Variants in CCDC91 observed in about 807,000 individuals in gnomAD.
CCDC91 encodes the protein coiled-coil domain containing 91, also known as coiled-coil domain-containing protein 91.
In CCDC91, 48 loss-of-function variants were observed where a neutral mutation model predicts 63.2. The observed-to-expected ratio is 0.76, with a 90% CI of 0.60 to 0.97. The LOEUF (loss-of-function observed/expected upper bound fraction) is 0.97. Among genes scored for constraint, CCDC91 ranks in the 50% least tolerant of loss-of-function variants. The pLI is 0.00. For synonymous variants in CCDC91, 167 were observed against 165.8 expected, an observed-to-expected ratio of 1.01 and a Z score of -0.06; for missense variants, 500 against 494.6, an observed-to-expected ratio of 1.01 and a Z score of -0.10.
intron 8 of CCDC91, chr12:28,412,715 C>T: frequency 2.2e-6 from 1 of 453,218 alleles, no homozygotes; most frequent in Non-Finnish European, 4.4e-6. Flanking sequence ...CTTTTATCCC[C>T]TTATTGTCCC....
intron 1 of CCDC91, among the ~76,000 whole-genome samples, chr12:28,194,822 T>C (rs947103614): frequency 6.6e-6 from 1 of 150,630 alleles, no homozygotes; most frequent in Non-Finnish European, 1.5e-5. Flanking sequence ...TTGCAGCTCA[T>C]TGTTATAGCT....
intron 7 of CCDC91, among the ~76,000 whole-genome samples, chr12:28,379,819 G>T (rs1480302116): frequency 1.3e-5 from 2 of 152,074 alleles, no homozygotes; most frequent in African/African-American, 4.8e-5. Flanking sequence ...TACCCAAAGG[G>T]TTATAAATCA....
chr12:28,465,193 G>A (rs1950494238), intron 11 of CCDC91, among the ~76,000 whole-genome samples: 1 of 152,170 alleles, frequency 6.6e-6, no homozygotes, highest in Admixed American at 6.5e-5. Context: ...CAGCCATAGT[G>A]TAATGGAACA....
chr12:28,376,889 G>A (rs745916310), intron 7 of CCDC91, among the ~76,000 whole-genome samples: 1 of 151,756 alleles, frequency 6.6e-6, no homozygotes, highest in Non-Finnish European at 1.5e-5. Flanking sequence ...CAATCAGTGT[G>A]TTAAAATTCA....
At chr12:28,428,936 T>G (rs1948483289) in intron 8 of CCDC91, among the ~76,000 whole-genome samples, 1 of 152,160 alleles carries the variant, frequency 6.6e-6, no homozygotes, top group South Asian at 2.1e-4. Context: ...TATAAATTTT[T>G]TTTTATTGAC....
chr12:28,237,895 A>G (rs952865676), intron 1 of CCDC91, among the ~76,000 whole-genome samples: 2 of 152,064 alleles, frequency 1.3e-5, no homozygotes, highest in African/African-American at 4.8e-5. Flanking sequence ...GGACTTCTCT[A>G]CTCTTTTTAC....
rs758790478 is a variant in CCDC91, at chr12:28,289,715, G to A, written c.110-15934G>A. Among the ~76,000 whole-genome samples the A allele has an allele frequency of 7.9e-5, 9 of 114,468 alleles. No individual in the cohort carries two copies. The South Asian group carries it at 1.9e-3, about 24-fold the overall frequency. 75.1% of individuals were successfully genotyped at this position (114,468 alleles called of 152,430 possible). A position where few individuals can be genotyped will look rare whatever the true frequency, so the allele number is the denominator to read the frequency against. On this transcript the variant is annotated intron_variant, in intron 3 of 12. Transcript: ENST00000536442. ...TTTTTTTTTTTTTTTTTTTGACGAC[G>A]GAGTCTCACTCTGTTGCCCAGGCTG...
intron 7 of CCDC91, among the ~76,000 whole-genome samples, chr12:28,368,688 A>G (rs1339137650): frequency 1.3e-5 from 2 of 152,178 alleles, no homozygotes; most frequent in Non-Finnish European, 2.9e-5. Flanking sequence ...TTGTTTTCAT[A>G]CTGTTATAAA....
At chr12:28,198,460 A>G (rs1941950443) in intron 1 of CCDC91, among the ~76,000 whole-genome samples, 1 of 152,228 alleles carries the variant, frequency 6.6e-6, no homozygotes. Flanking sequence ...ACAACTTAAA[A>G]TTAGGTTAGA....
chr12:28,245,423 A>G (rs1330441982), intron 1 of CCDC91, among the ~76,000 whole-genome samples: 4 of 152,194 alleles, frequency 2.6e-5, no homozygotes, highest in African/African-American at 4.8e-5. Context: ...GTAGTAAATA[A>G]AGGTATATAC....
chr12:28,509,743 T>C (rs1339791277), intron 12 of CCDC91, among the ~76,000 whole-genome samples: 1 of 151,932 alleles, frequency 6.6e-6, no homozygotes, highest in African/African-American at 2.4e-5. Context: ...TCTTCAGCGC[T>C]GATGATTATG....
chr12:28,236,030 C>T (rs1944923547), intron 1 of CCDC91, among the ~76,000 whole-genome samples: 1 of 151,924 alleles, frequency 6.6e-6, no homozygotes, highest in African/African-American at 2.4e-5. Context: ...TTCAGTAGAC[C>T]TTGCTATGCT....
At chr12:28,239,335 A>G (rs1945179025) in intron 1 of CCDC91, among the ~76,000 whole-genome samples, 1 of 152,060 alleles carries the variant, frequency 6.6e-6, no homozygotes, top group South Asian at 2.1e-4. Flanking sequence ...GTAGGGAAAC[A>G]TGACTACTAA....
intron 1 of CCDC91, among the ~76,000 whole-genome samples, chr12:28,196,254 C>A (rs569207201): frequency 2.0e-5 from 3 of 152,120 alleles, no homozygotes; most frequent in Non-Finnish European, 2.9e-5. Flanking sequence ...TAAACAGTAA[C>A]CTTTAAAAAT....
At chr12:28,469,503 C>T (rs1398335505) in intron 11 of CCDC91, among the ~76,000 whole-genome samples, 1 of 151,882 alleles carries the variant, frequency 6.6e-6, no homozygotes, top group Non-Finnish European at 1.5e-5. Flanking sequence ...TTAAAATGTC[C>T]ATATTTCCCA....
At chr12:28,458,544 A>G (rs1279256895) in intron 11 of CCDC91, among the ~76,000 whole-genome samples, 5 of 128,110 alleles carry the variant, frequency 3.9e-5, no homozygotes, top group African/African-American at 1.5e-4. Flanking sequence ...ATCTTAGCTC[A>G]CTGCAACCTC....
At chr12:28,248,383 T>C (rs1464192405) in intron 1 of CCDC91, among the ~76,000 whole-genome samples, 2 of 152,116 alleles carry the variant, frequency 1.3e-5, no homozygotes, top group Admixed American at 1.3e-4. Flanking sequence ...CTTATGTTTG[T>C]AAATGAATCC....
chr12:28,524,986 T>G (rs1029595839), intron 12 of CCDC91, among the ~76,000 whole-genome samples: 8 of 152,306 alleles, frequency 5.3e-5, no homozygotes, highest in Middle Eastern at 3.4e-3. Flanking sequence ...ATGTTCTCTC[T>G]TCTTTTCTTG....
chr12:28,360,020 A>G lies in CCDC91; in HGVS notation c.577-2418A>G, dbSNP rs188179343. On this transcript the variant is annotated intron_variant, in intron 6 of 12. Transcript: ENST00000536442. The stretch of plus-strand genomic sequence containing the variant: ...CTTAAACAGGTTAATGGATTTAGTT[A>G]TTATTACCTAGTTTTAACTAAAGGA... Among the ~76,000 whole-genome samples, 4 of 152,304 alleles carry G rather than the reference A, an allele frequency of 2.6e-5. No homozygotes were observed. In the East Asian group the frequency reaches 5.8e-4, roughly 22 times the overall value.
Sources: allele counts gnomAD v4.1 joint callset (sites outside exome capture counted in the v4.1 genomes callset), GRCh38; gene constraint gnomAD v4.1.1; transcripts MANE v1.5; gene names NCBI Gene and HGNC (gene_info 2026-07-23, HGNC 2026-07-21).